Variants in LHFPL3 observed in about 807,000 individuals in gnomAD.
LHFPL3 encodes the protein LHFPL tetraspan subfamily member 3 protein.
Under a neutral mutation model 19.3 loss-of-function variants are expected in LHFPL3, and 5 were observed. That is an observed-to-expected ratio of 0.26 (90% CI 0.14 to 0.54). The LOEUF (loss-of-function observed/expected upper bound fraction) is 0.54, where lower values mean the gene tolerates loss of function less well. Ranked by LOEUF, LHFPL3 falls within the 20% of genes least tolerant of loss-of-function variation. The pLI is 0.94. For synonymous variants in LHFPL3, 133 were observed against 126.2 expected (o/e 1.05, Z -0.36); for missense variants, 249 against 307.4 (o/e 0.81, Z 1.42).
chr7:104,333,221 C>T (rs1383147656), intron 1 of LHFPL3, among the ~76,000 whole-genome samples: 1 of 152,142 alleles, frequency 6.6e-6, no homozygotes, highest in Non-Finnish European at 1.5e-5. Flanking sequence ...GAATTGTTTC[C>T]AGAAGCCCAT....
At chr7:104,816,012 C>G (rs1229585248) in intron 2 of LHFPL3, among the ~76,000 whole-genome samples, 1 of 152,112 alleles carries the variant, frequency 6.6e-6, no homozygotes, top group Non-Finnish European at 1.5e-5. Flanking sequence ...GACCAGCACC[C>G]CTTGGCACAA....
At chr7:104,715,846 C>T (rs4612276) in intron 1 of LHFPL3, among the ~76,000 whole-genome samples, 60,550 of 152,020 alleles carry the variant, frequency 0.4, 12,599 homozygotes, top group East Asian at 0.7. Context: ...TGTCAGCCTA[C>T]AGTTTTCTTT....
intron 1 of LHFPL3, among the ~76,000 whole-genome samples, chr7:104,480,775 G>A (rs1376430770): frequency 1.3e-5 from 2 of 152,194 alleles, no homozygotes; most frequent in Non-Finnish European, 2.9e-5. Context: ...ATGCAAATAA[G>A]CTAACAGTGA....
chr7:104,693,027 C>T lies in LHFPL3; in HGVS notation c.446-43648C>T, dbSNP rs886788208. Among the ~76,000 whole-genome samples, 15 of 152,296 alleles carry T rather than the reference C, an allele frequency of 9.8e-5. No individual in the cohort carries two copies. The East Asian group carries it at 1.7e-3, about 18-fold the overall frequency. ...CCACGAGGTTGGAGCTGCCCAAGGCCGTGAGAGCCCACCTGTTGCATCACC... is the reference window on the plus strand; with the variant it reads ...CCACGAGGTTGGAGCTGCCCAAGGCTGTGAGAGCCCACCTGTTGCATCACC... On this transcript the variant is annotated intron_variant, in intron 1 of 2. Coordinates refer to ENST00000424859, the MANE Select transcript of LHFPL3 (RefSeq NM_199000.3).
chr7:104,519,936 T>G (rs1246294580), intron 1 of LHFPL3, among the ~76,000 whole-genome samples: 1 of 152,120 alleles, frequency 6.6e-6, no homozygotes, highest in Non-Finnish European at 1.5e-5. Flanking sequence ...TCGGGACTTC[T>G]GCATTGTCAA....
chr7:104,334,187 TGA>T (rs987719795), intron 1 of LHFPL3, among the ~76,000 whole-genome samples: 1 of 152,208 alleles, frequency 6.6e-6, no homozygotes, highest in African/African-American at 2.4e-5. Context: ...AATTTTTCAT[TGA>T]GTTAATAAAT....
chr7:104,750,824 T>C (rs1296890645), intron 2 of LHFPL3, among the ~76,000 whole-genome samples: 28 of 137,334 alleles, frequency 2.0e-4, no homozygotes, highest in South Asian at 7.4e-4. Flanking sequence ...CAGTTTGTTG[T>C]GGGGCCTGAG....
At chr7:104,832,960 G>GTATA (rs71748649) in intron 2 of LHFPL3, among the ~76,000 whole-genome samples, 3,120 of 62,628 alleles carry the variant, frequency 0.05, 222 homozygotes, top group East Asian at 0.3. Context: ...CTAATAGGAT[G>GTATA]TATATATATA....
intron 2 of LHFPL3, among the ~76,000 whole-genome samples, chr7:104,756,768 G>A (rs1037063694): frequency 6.6e-6 from 1 of 152,146 alleles, no homozygotes; most frequent in African/African-American, 2.4e-5. Flanking sequence ...CCAAAATGCT[G>A]GGATTACAGG....
intron 1 of LHFPL3, among the ~76,000 whole-genome samples, chr7:104,732,978 T>C (rs1244847184): frequency 2.6e-5 from 4 of 152,244 alleles, no homozygotes; most frequent in Non-Finnish European, 1.5e-5. Flanking sequence ...CATTTTGTTA[T>C]GTACCCCATA....
At chr7:104,365,787 C>CAAA (rs571171040) in intron 1 of LHFPL3, among the ~76,000 whole-genome samples, 3,043 of 49,902 alleles carry the variant, frequency 0.061, 324 homozygotes, top group African/African-American at 0.23. Context: ...GACTCCGTCT[C>CAAA]AAAAAAAAAA....
intron 1 of LHFPL3, among the ~76,000 whole-genome samples, chr7:104,527,566 A>G (rs1264048329): frequency 6.6e-6 from 1 of 152,214 alleles, no homozygotes; most frequent in Non-Finnish European, 1.5e-5. Context: ...TGACTGAGAA[A>G]AAGCCTTCAA....
intron 2 of LHFPL3, among the ~76,000 whole-genome samples, chr7:104,868,432 A>G (rs1447974967): frequency 6.6e-6 from 1 of 152,190 alleles, no homozygotes; most frequent in Non-Finnish European, 1.5e-5. Flanking sequence ...TTATACACCA[A>G]TAACAGACAA....
rs911323005 is a variant in LHFPL3, at chr7:104,539,198, A to G, written c.446-197477A>G. ...TTTGTGTTATCTTAAGCCACTAGGT[A>G]TGTGATAATTTGTTATGGTAGCAAT... On this transcript the variant is annotated intron_variant, in intron 1 of 2. Coordinates refer to ENST00000424859, the MANE Select transcript of LHFPL3 (RefSeq NM_199000.3). Among the ~76,000 whole-genome samples, 5 of 152,180 alleles carry G rather than the reference A, an allele frequency of 3.3e-5. No individual in the cohort carries two copies. In the East Asian group the frequency reaches 9.6e-4, roughly 29 times the overall value.
intron 2 of LHFPL3, among the ~76,000 whole-genome samples, chr7:104,890,313 T>G (rs1361289249): frequency 6.6e-6 from 1 of 152,114 alleles, no homozygotes; most frequent in African/African-American, 2.4e-5. Flanking sequence ...AAAAAACAAG[T>G]GGTTGGGAGA....
At chr7:104,517,123 C>T (rs1442141618) in intron 1 of LHFPL3, among the ~76,000 whole-genome samples, 1 of 152,020 alleles carries the variant, frequency 6.6e-6, no homozygotes, top group Non-Finnish European at 1.5e-5. Context: ...AGAGGAACAA[C>T]CCACAGTGGG....
chr7:104,692,625 G>A (rs868392027), intron 1 of LHFPL3, among the ~76,000 whole-genome samples: 2 of 152,250 alleles, frequency 1.3e-5, no homozygotes, highest in Non-Finnish European at 2.9e-5. Context: ...TTGCTTCAGA[G>A]GGTGCAAGCC....
Position 104,418,013 on chromosome 7 carries a change from G to T in LHFPL3, c.445+88789G>T, listed in dbSNP as rs149340218. On this transcript the variant is annotated intron_variant, in intron 1 of 2. Coordinates refer to ENST00000424859, the MANE Select transcript of LHFPL3 (RefSeq NM_199000.3). ...TTCTCCCAACTCAGCCTCCTGAGTA[G>T]CTGGGATTACAGGGACCATGCCCAG... 6.9e-3 allele frequency among the ~76,000 whole-genome samples: 1,045 copies of T among 151,686 alleles called. 20 individuals carry two copies. Among genetic ancestry groups the T allele is most frequent in the African/African-American group, 0.025 (1,013 of 41,330 alleles).
In LHFPL3 at chr7:104,667,703, G is replaced by A. The variant is rs934034187; in HGVS notation, c.446-68972G>A. 119 of 1,355,014 alleles carry A rather than the reference G, an allele frequency of 8.8e-5. No individual in the cohort carries two copies. In the African/African-American group the frequency reaches 1.5e-3, roughly 17 times the overall value. The allele number at this position is 1,355,014 out of a possible 1,614,324, so 83.9% of individuals were successfully genotyped here. On this transcript the variant is annotated intron_variant, in intron 1 of 2. Transcript: ENST00000424859. ...CATTATACATGCAATTTACAACTTAGAGGAGTACTTAAAGAAATACAAGGA... is the reference window on the plus strand; with the variant it reads ...CATTATACATGCAATTTACAACTTAAAGGAGTACTTAAAGAAATACAAGGA...
Sources: gnomAD v4.1 joint callset for allele counts (sites outside exome capture counted in the v4.1 genomes callset) on GRCh38, gnomAD v4.1.1 for gene constraint, MANE v1.5 for transcripts, NCBI Gene and HGNC (gene_info 2026-07-23, HGNC 2026-07-21) for gene names.